GSTM2: variants seen among roughly 807,000 people sequenced by gnomAD.
The protein encoded by GSTM2 is glutathione S-transferase mu 2.
In GSTM2, 33 loss-of-function variants were observed where a neutral mutation model predicts 33.3. That is an observed-to-expected ratio of 0.99 (90% confidence interval 0.75 to 1.33). The LOEUF is 1.33. Among genes scored for constraint, GSTM2 ranks in the 40% most tolerant of loss-of-function variants. The pLI is 0.00. For missense variants in GSTM2, 213 were observed against 265.8 expected, an observed-to-expected ratio of 0.80 and a Z score of 1.38; for synonymous variants, 93 against 95.6, an observed-to-expected ratio of 0.97 and a Z score of 0.16.
chr1:109,671,016 C>A (rs1647516738), intron 5 of GSTM2: 2 of 446,744 alleles, frequency 4.5e-6, no homozygotes, highest in Non-Finnish European at 8.2e-6. Flanking sequence ...TGGGGCTGAC[C>A]CAGAGGTTGT....
At chr1:109,673,988 A>G (rs1197154089) in intron 7 of GSTM2, among the ~76,000 whole-genome samples, 1 of 152,200 alleles carries the variant, frequency 6.6e-6, no homozygotes, top group East Asian at 1.9e-4. Flanking sequence ...TGGAGATGCC[A>G]TGGGTTAGGG....
chr1:109,669,202 T>C (rs1647439023), intron 3 of GSTM2, 88 bp from the exon 4 acceptor site: 2 of 1,461,636 alleles, frequency 1.4e-6, no homozygotes, highest in South Asian at 1.1e-5. Flanking sequence ...GAGCAGGCCC[T>C]GGTCTCCTCT....
downstream of GSTM2, among the ~76,000 whole-genome samples, chr1:109,678,093 TGA>T (rs1197661486): frequency 1.3e-5 from 2 of 152,190 alleles, no homozygotes; most frequent in Admixed American, 6.5e-5. Flanking sequence ...TTCAGATAGG[TGA>T]GACTGGTGTG....
At position 109,668,250 on chromosome 1, in the gene GSTM2, GCTGTCCCTGACAGCGGGGT is replaced by G. The variant is rs1393586370; in HGVS notation, c.36+104_36+122del. On this transcript the variant is annotated intron_variant, in intron 1 of 7. Transcript: ENST00000241337. ...GCTCTAGGGACGGTTCCTCTTCAGG[GCTGTCCCTGACAGCGGGGT>G]CTGTGCTTGCCGCTGTCTGTGCGTG... The G allele has an allele frequency of 5.0e-6, 7 of 1,402,972 alleles. No individual in the cohort carries two copies. In the Admixed American group the frequency reaches 8.7e-5, roughly 17 times the overall value. 86.9% of individuals were successfully genotyped at this position (1,402,972 alleles called of 1,614,324 possible). A position where few individuals can be genotyped will look rare whatever the true frequency, so the allele number is the denominator to read the frequency against.
chr1:109,679,983 C>G (rs1647819776), downstream of GSTM2, among the ~76,000 whole-genome samples: 1 of 152,172 alleles, frequency 6.6e-6, no homozygotes, highest in African/African-American at 2.4e-5. Flanking sequence ...CCATCTCCGC[C>G]TATCCTGGGA....
intron 5 of GSTM2, among the ~76,000 whole-genome samples, chr1:109,670,389 C>G (rs1647489867): frequency 6.6e-6 from 1 of 152,132 alleles, no homozygotes; most frequent in Non-Finnish European, 1.5e-5. Flanking sequence ...GTGGTCCTGC[C>G]AAATACACGG....
At chr1:109,678,465 G>T (rs548432640), downstream of GSTM2, among the ~76,000 whole-genome samples, 1 of 152,130 alleles carries the variant, frequency 6.6e-6, no homozygotes, top group Non-Finnish European at 1.5e-5. Context: ...TCTGTATATG[G>T]GCTGGGCGCA....
intron 7 of GSTM2, chr1:109,673,279 G>A: frequency 1.0e-5 from 16 of 1,606,698 alleles, no homozygotes; most frequent in African/African-American, 2.7e-5. Context: ...GAGGCAGGGT[G>A]TGAGGCACAG....
intron 3 of GSTM2, 125 bp downstream of exon 3, chr1:109,669,114 T>A: frequency 7.8e-7 from 1 of 1,283,166 alleles, no homozygotes; most frequent in Non-Finnish European, 1.1e-6. Flanking sequence ...CTCTTGGCTG[T>A]CTACACAGCC....
At chr1:109,669,867 A>G in intron 5 of GSTM2, 1 of 335,736 alleles carries the variant, frequency 3.0e-6, no homozygotes, top group Non-Finnish European at 5.4e-6. Flanking sequence ...CAGCTCTTAA[A>G]GGTGGCGCGT....
At chr1:109,679,123 C>T (rs912232577), downstream of GSTM2, among the ~76,000 whole-genome samples, 2 of 151,972 alleles carry the variant, frequency 1.3e-5, no homozygotes, top group African/African-American at 2.4e-5. Flanking sequence ...CTATTTTAGA[C>T]ACTTAGGAGA....
intron 5 of GSTM2, 109 bp from the exon 6 acceptor site, chr1:109,671,178 G>A (rs1272646672): frequency 2.7e-6 from 2 of 752,504 alleles, no homozygotes; most frequent in Non-Finnish European, 4.9e-6. Flanking sequence ...CAGCTGTGGG[G>A]AAGATGACTG....
Position 109,671,335 on chromosome 1 carries a change from C to G in GSTM2, c.409C>G (p.Leu137Val). 5 of 1,614,132 alleles carry G rather than the reference C, an allele frequency of 3.1e-6. No individual in the cohort carries two copies. Among genetic ancestry groups the G allele is most frequent in the Non-Finnish European group, 2.5e-6 (3 of 1,179,958 alleles). Reference sequence around the variant, plus strand: ...GCAGGCACTCCCTGAAATGCTGAAGCTCTACTCACAGTTTCTGGGGAAGCA... The same window carrying G: ...GCAGGCACTCCCTGAAATGCTGAAGGTCTACTCACAGTTTCTGGGGAAGCA... ...YLQALPEMLK[L>V]YSQFLGKQPW... Residue 137 changes from leucine (L) to valine (V), a missense_variant, in exon 6 of 8, where the codon CTC becomes GTC. By Grantham distance (32) the Leu-to-Val change is conservative (BLOSUM62 1). Transcript: ENST00000241337.
chr1:109,668,187 G>A, intron 1 of GSTM2, 36 bp downstream of exon 1: 2 of 1,540,974 alleles, frequency 1.3e-6, no homozygotes, highest in Non-Finnish European at 1.8e-6. Flanking sequence ...GGACGGGGGT[G>A]CGTGGGGGCG....
rs1484135143 is a variant in GSTM2, at chr1:109,669,569, T to G, written c.358T>G (p.Phe120Val). Residue 120 changes from phenylalanine to valine, a missense_variant and splice_region_variant, in exon 5 of 8, where the codon TTT (phenylalanine) becomes GTT (valine). By Grantham distance (50) the Phe-to-Val change is conservative. Transcript: ENST00000241337. ...QLAKLCYDPD[F>V]EKLKPEYLQA... is the part of the protein sequence containing the mutation. ...GGCCAAACTCTGCTATGACCCAGAT[T>G]TTGTAAGTCCCCCCACCCCACTCCC... The G allele has an allele frequency of 6.3e-7, 1 of 1,589,642 alleles. No individual in the cohort carries two copies. The highest frequency in any genetic ancestry group is 2.2e-5 in the East Asian group (1 of 44,522).
At chr1:109,674,341 C>A (rs932669746) in intron 7 of GSTM2, among the ~76,000 whole-genome samples, 3 of 151,832 alleles carry the variant, frequency 2.0e-5, no homozygotes, top group African/African-American at 7.3e-5. Flanking sequence ...GAGACAGAAC[C>A]AGGCTACATT....
chr1:109,680,136 T>G (rs1327948150), downstream of GSTM2, among the ~76,000 whole-genome samples: 2 of 151,908 alleles, frequency 1.3e-5, no homozygotes, highest in Non-Finnish European at 2.9e-5. Context: ...TGCAGCCAGC[T>G]GATTGTGGGA....
At chr1:109,672,493 T>C (rs1374315622) in intron 7 of GSTM2, among the ~76,000 whole-genome samples, 1 of 152,194 alleles carries the variant, frequency 6.6e-6, no homozygotes, top group African/African-American at 2.4e-5. Flanking sequence ...GTGGAGGCTG[T>C]GCTGGGCTCC....
At chr1:109,669,260 C>G in intron 3 of GSTM2, 30 bp from the exon 4 acceptor site, 1 of 1,613,662 alleles carries the variant, frequency 6.2e-7, no homozygotes, top group Admixed American at 1.7e-5. Flanking sequence ...GGTGGCCCAA[C>G]TGAGCTTCCC....
Sources: allele counts gnomAD v4.1 joint callset (sites outside exome capture counted in the v4.1 genomes callset), GRCh38; gene constraint gnomAD v4.1.1; transcripts MANE v1.5; gene names NCBI Gene and HGNC (gene_info 2026-07-23, HGNC 2026-07-21).